STON2: variants seen among roughly 807,000 people sequenced by gnomAD.
STON2 encodes stonin 2.
In STON2, 29 loss-of-function variants were observed where a neutral mutation model predicts 65.7. The observed-to-expected ratio is 0.44, with a 90% CI of 0.33 to 0.60. The LOEUF (loss-of-function observed/expected upper bound fraction) is 0.60, where lower values mean the gene tolerates loss of function less well. STON2 is among the 20% of genes least tolerant of loss of function. The pLI is 0.03. For missense variants in STON2, 1,054 were observed against 1,118.1 expected (o/e 0.94, Z 0.82); for synonymous variants, 404 against 414.2 (o/e 0.98, Z 0.30).
In STON2 at chr14:81,324,100, C is replaced by A. The variant is rs187959149; in HGVS notation, c.659G>T (p.Arg220Leu). 6.6e-6 allele frequency among the ~76,000 whole-genome samples: 1 copy of A among 152,116 alleles called. No homozygotes were observed. Among genetic ancestry groups the A allele is most frequent in the Non-Finnish European group, 1.5e-5 (1 of 68,012 alleles). Residue 220 changes from arginine to leucine, a missense_variant, in exon 5 of 8, where the codon CGC becomes CTC. Transcript: ENST00000614646. ...GGGTGAGGGTGGCGAGGGGTCCAGG[C>A]GGTGGGTGCGGGTGGAGGTATGCTC... ...CSEHTSTRTH[R>L]LDPSPPSPQP...
chr14:81,381,073 A>G (rs898435887), intron 3 of STON2, among the ~76,000 whole-genome samples: 2 of 152,188 alleles, frequency 1.3e-5, no homozygotes, highest in Non-Finnish European at 2.9e-5. Context: ...TTTGAGTAAT[A>G]TATTTATAAG....
intron 6 of STON2, 140 bp downstream of exon 6, chr14:81,276,761 T>C: frequency 1.0e-6 from 1 of 961,660 alleles, no homozygotes; most frequent in Non-Finnish European, 1.6e-6. Flanking sequence ...CAATTATTTT[T>C]ACTTTTCTGG....
At chr14:81,408,533 G>A (rs1052805573) in intron 2 of STON2, among the ~76,000 whole-genome samples, 4 of 152,128 alleles carry the variant, frequency 2.6e-5, no homozygotes, top group Admixed American at 1.3e-4. Flanking sequence ...CTTCTCTAAA[G>A]TCATATTACT....
At chr14:81,377,913 T>C (rs924829326) in intron 3 of STON2, among the ~76,000 whole-genome samples, 4 of 151,994 alleles carry the variant, frequency 2.6e-5, no homozygotes, top group Admixed American at 2.0e-4. Context: ...AATGGCATGA[T>C]CTCAGCTCAC....
At chr14:81,378,586 T>C (rs1899362155) in intron 3 of STON2, among the ~76,000 whole-genome samples, 1 of 152,232 alleles carries the variant, frequency 6.6e-6, no homozygotes, top group African/African-American at 2.4e-5. Flanking sequence ...TTTTCATCCT[T>C]TTCACAGAGT....
chr14:81,324,235 T>C (rs1040676618), intron 4 of STON2, among the ~76,000 whole-genome samples, 48 bp from the exon 5 acceptor site: 1 of 152,228 alleles, frequency 6.6e-6, no homozygotes, highest in Non-Finnish European at 1.5e-5. Context: ...GGTTACTCAC[T>C]GGCCTTCTCT....
At position 81,336,167 on chromosome 14, in the gene STON2, C is replaced by T. The variant is rs117207643; in HGVS notation, c.572-11980G>A. Among the ~76,000 whole-genome samples the T allele has an allele frequency of 9.3e-4, 142 of 152,252 alleles. No homozygotes were observed. The East Asian group carries it at 0.018, about 19-fold the overall frequency. On this transcript the variant is annotated intron_variant, in intron 4 of 7. Coordinates refer to ENST00000614646, the MANE Select transcript of STON2 (RefSeq NM_001394390.1). ...TGAAAATGAGATTCAAAGTTTGGCA[C>T]GCCGTACAATAGCTGAGAACAGGTA... is the stretch of plus-strand genomic sequence containing the variant.
intron 5 of STON2, among the ~76,000 whole-genome samples, chr14:81,293,472 GGT>G (rs1405773778): frequency 1.3e-5 from 2 of 151,874 alleles, no homozygotes; most frequent in Non-Finnish European, 2.9e-5. Flanking sequence ...ACACTCGACT[GGT>G]GACTTGAGTC....
intron 4 of STON2, among the ~76,000 whole-genome samples, chr14:81,334,162 T>C (rs1177778781): frequency 2.0e-5 from 3 of 152,228 alleles, no homozygotes; most frequent in East Asian, 3.8e-4. Context: ...CAGCCTTCTC[T>C]AAGTCACTGT....
chr14:81,430,150 C>T (rs1053028058), intron 1 of STON2, among the ~76,000 whole-genome samples: 1 of 152,142 alleles, frequency 6.6e-6, no homozygotes, highest in Non-Finnish European at 1.5e-5. Context: ...AGCTGCTCCT[C>T]CCTGAACCTT....
intron 5 of STON2, among the ~76,000 whole-genome samples, chr14:81,299,522 G>T (rs964000486): frequency 6.6e-6 from 1 of 152,202 alleles, no homozygotes; most frequent in Non-Finnish European, 1.5e-5. Flanking sequence ...AAAGAAAGAG[G>T]TTGAGCCCTG....
At chr14:81,348,957 T>C (rs896198531) in intron 4 of STON2, among the ~76,000 whole-genome samples, 1 of 152,146 alleles carries the variant, frequency 6.6e-6, no homozygotes, top group African/African-American at 2.4e-5. Context: ...GCCAGCTGAC[T>C]TTCAACAAAG....
intron 4 of STON2, among the ~76,000 whole-genome samples, chr14:81,337,589 A>G (rs1242673381): frequency 6.6e-6 from 1 of 152,192 alleles, no homozygotes; most frequent in Non-Finnish European, 1.5e-5. Flanking sequence ...AATTGAGCAG[A>G]GACATGAATG....
At chr14:81,351,362 T>C (rs1898018034) in intron 4 of STON2, among the ~76,000 whole-genome samples, 1 of 151,700 alleles carries the variant, frequency 6.6e-6, no homozygotes, top group African/African-American at 2.4e-5. Flanking sequence ...GACTGAAGAG[T>C]TTGGTAGGGA....
intron 5 of STON2, among the ~76,000 whole-genome samples, chr14:81,308,026 T>C (rs1367884830): frequency 1.3e-5 from 2 of 152,134 alleles, no homozygotes; most frequent in African/African-American, 4.8e-5. Flanking sequence ...TCAGATAATA[T>C]ATCTGAAGCT....
intron 4 of STON2, among the ~76,000 whole-genome samples, chr14:81,326,044 G>A (rs1411018388): frequency 6.6e-6 from 1 of 152,170 alleles, no homozygotes; most frequent in Non-Finnish European, 1.5e-5. Flanking sequence ...GCAATCAGTT[G>A]CTATTATTAT....
chr14:81,365,400 C>T (rs1566928627), intron 4 of STON2, among the ~76,000 whole-genome samples: 1 of 152,170 alleles, frequency 6.6e-6, no homozygotes, highest in Admixed American at 6.5e-5. Flanking sequence ...TCTTGACATC[C>T]TCAGCTTACA....
intron 2 of STON2, among the ~76,000 whole-genome samples, chr14:81,423,969 A>C (rs1901842105): frequency 6.6e-6 from 1 of 152,150 alleles, no homozygotes. Flanking sequence ...GTTTTGATAC[A>C]TGAAATGCAC....
At chr14:81,334,198 C>T (rs1015946464) in intron 4 of STON2, among the ~76,000 whole-genome samples, 5 of 152,212 alleles carry the variant, frequency 3.3e-5, no homozygotes, top group Non-Finnish European at 4.4e-5. Flanking sequence ...CCAGTAATTG[C>T]CCAGATCCAA....
Sources: allele counts gnomAD v4.1 joint callset (sites outside exome capture counted in the v4.1 genomes callset), GRCh38; gene constraint gnomAD v4.1.1; transcripts MANE v1.5; gene names NCBI Gene and HGNC (gene_info 2026-07-23, HGNC 2026-07-21).